The following FMNL2 variants were observed in gnomAD, a reference collection of about 807,000 sequenced individuals.
FMNL2 encodes the protein formin-like protein 2.
In FMNL2, 51 loss-of-function variants were observed where a neutral mutation model predicts 130.2. That is an observed-to-expected ratio of 0.39 (90% CI 0.31 to 0.49). The LOEUF (loss-of-function observed/expected upper bound fraction) is 0.49, where lower values mean the gene tolerates loss of function less well. Among genes scored for constraint, FMNL2 ranks in the 20% least tolerant of loss-of-function variants. The pLI, the probability that FMNL2 is intolerant of heterozygous loss-of-function variation, is 0.85. For missense variants in FMNL2, 977 were observed against 1,316.2 expected (o/e 0.74, Z 3.99); for synonymous variants, 465 against 467.1 (o/e 1.00, Z 0.06).
chr2:152,342,038 G>A (rs1032461036), intron 1 of FMNL2, among the ~76,000 whole-genome samples: 2 of 152,166 alleles, frequency 1.3e-5, no homozygotes, highest in Non-Finnish European at 2.9e-5. Flanking sequence ...ACCTGAGAGT[G>A]GGGAAAGATC....
At chr2:152,542,606 C>G (rs758849282) in intron 2 of FMNL2, 133 bp from the exon 3 acceptor site, 97 of 806,982 alleles carry the variant, frequency 1.2e-4, no homozygotes, top group Non-Finnish European at 1.9e-4. Flanking sequence ...ACAGTTAGTA[C>G]AAAATGACTG....
intron 2 of FMNL2, among the ~76,000 whole-genome samples, chr2:152,538,682 A>T (rs1694141503): frequency 6.6e-6 from 1 of 152,196 alleles, no homozygotes; most frequent in African/African-American, 2.4e-5. Flanking sequence ...CTCGGCCTAC[A>T]TCCAGGGACC....
At chr2:152,374,094 T>C (rs548179807) in intron 1 of FMNL2, among the ~76,000 whole-genome samples, 3 of 152,290 alleles carry the variant, frequency 2.0e-5, no homozygotes, top group Admixed American at 6.5e-5. Flanking sequence ...TTCAGACTGC[T>C]CTTAAGGGTA....
In FMNL2 at chr2:152,619,122, C is replaced by T. The variant is rs1699102078; in HGVS notation, c.1591C>T (p.Pro531Ser). 1 of 1,596,112 alleles carries T rather than the reference C, an allele frequency of 6.3e-7. No individual in the cohort carries two copies. Reference protein sequence around the residue: ...ASSGPLPPPPPPLPPSSDTPE... With the variant: ...ASSGPLPPPPSPLPPSSDTPE... Reference sequence around the variant, plus strand: ...CTCAGGACCCTTGCCCCCTCCTCCACCACCACTGCCTCCCTCATCAGACAC... The same window carrying T: ...CTCAGGACCCTTGCCCCCTCCTCCATCACCACTGCCTCCCTCATCAGACAC... The change falls in exon 14 of 26, where the codon CCA becomes TCA. Residue 531 changes from proline to serine, a missense_variant. Around this residue, in one of 4 missense-constraint regions of FMNL2, gnomAD observed 689 missense variants for 995.9 expected, o/e 0.69. Transcript: ENST00000288670.
intron 1 of FMNL2, among the ~76,000 whole-genome samples, chr2:152,435,403 A>G (rs1687698296): frequency 6.6e-6 from 1 of 152,194 alleles, no homozygotes; most frequent in Non-Finnish European, 1.5e-5. Flanking sequence ...CTATATTTAG[A>G]TATCCCATGT....
chr2:152,396,028 T>C (rs1396535316), intron 1 of FMNL2, among the ~76,000 whole-genome samples: 1 of 152,216 alleles, frequency 6.6e-6, no homozygotes, highest in African/African-American at 2.4e-5. Flanking sequence ...TTTGTCACTA[T>C]AGAGAGTGAA....
At chr2:152,390,064 C>A (rs1362433170) in intron 1 of FMNL2, 1 of 1,575,448 alleles carries the variant, frequency 6.3e-7, no homozygotes, top group Non-Finnish European at 8.7e-7. Context: ...AGCCTTGACT[C>A]CCCAGGAAAG....
intron 6 of FMNL2, among the ~76,000 whole-genome samples, chr2:152,563,862 C>A (rs1449355378): frequency 6.6e-6 from 1 of 152,170 alleles, no homozygotes; most frequent in African/African-American, 2.4e-5. Context: ...AGAGCTGCTT[C>A]TCCCCTCTTG....
chr2:152,543,725 C>G (rs10166430), intron 3 of FMNL2, among the ~76,000 whole-genome samples: 1 of 86,536 alleles, frequency 1.2e-5, no homozygotes, highest in Admixed American at 1.4e-4. Flanking sequence ...GCCCACCCCC[C>G]GACCAAAAAA....
chr2:152,580,875 C>T lies in FMNL2; in HGVS notation c.783-81C>T, dbSNP rs963838892. 7.2e-6 allele frequency: 9 copies of T among 1,255,494 alleles called. No homozygotes were observed. In the Admixed American group the frequency reaches 1.0e-4, roughly 14 times the overall value. 77.8% of individuals were successfully genotyped at this position (1,255,494 alleles called of 1,614,324 possible). A position where few individuals can be genotyped will look rare whatever the true frequency, so the allele number is the denominator to read the frequency against. On this transcript the variant is annotated intron_variant, in intron 8 of 25. Transcript: ENST00000288670. Reference sequence around the variant, plus strand: ...AATGTAAGGGCAAATGTTTTATTCTCATGTATCTTGGAAGGAAGAAACAGC... The same window carrying T: ...AATGTAAGGGCAAATGTTTTATTCTTATGTATCTTGGAAGGAAGAAACAGC...
chr2:152,470,832 A>G (rs1204680197), intron 1 of FMNL2, among the ~76,000 whole-genome samples: 2 of 152,242 alleles, frequency 1.3e-5, no homozygotes, highest in Admixed American at 1.3e-4. Context: ...CAGTTAGCCA[A>G]TTTAACATCT....
chr2:152,454,492 AC>A (rs1314828268), intron 1 of FMNL2, among the ~76,000 whole-genome samples: 1 of 152,106 alleles, frequency 6.6e-6, no homozygotes, highest in Admixed American at 6.5e-5. Flanking sequence ...GTAATGTTTC[AC>A]TTGTGAAAGA....
chr2:152,356,674 A>G (rs1560292851), intron 1 of FMNL2, among the ~76,000 whole-genome samples: 1 of 151,524 alleles, frequency 6.6e-6, no homozygotes, highest in African/African-American at 2.4e-5. Flanking sequence ...TTGTTTCAGC[A>G]TGCATACTGT....
intron 1 of FMNL2, among the ~76,000 whole-genome samples, chr2:152,495,321 T>C (rs956442854): frequency 6.6e-6 from 1 of 152,058 alleles, no homozygotes; most frequent in Non-Finnish European, 1.5e-5. Context: ...TCTACGTAGA[T>C]CATATTATCA....
At chr2:152,498,940 A>G (rs768914892) in intron 1 of FMNL2, among the ~76,000 whole-genome samples, 1 of 152,218 alleles carries the variant, frequency 6.6e-6, no homozygotes, top group Non-Finnish European at 1.5e-5. Flanking sequence ...GGAATTTGGC[A>G]TCTTTGTAAA....
chr2:152,520,246 A>G (rs1244687416), intron 1 of FMNL2, among the ~76,000 whole-genome samples: 1 of 152,104 alleles, frequency 6.6e-6, no homozygotes, highest in Non-Finnish European at 1.5e-5. Flanking sequence ...ACTCTTTATA[A>G]AGTCCAAAGC....
rs554109447 is a variant in FMNL2, at chr2:152,472,317, A to G, written c.118-49626A>G. Among the ~76,000 whole-genome samples, 8 of 152,328 alleles carry G rather than the reference A, an allele frequency of 5.3e-5. No homozygotes were observed. The South Asian group carries it at 6.2e-4, about 12-fold the overall frequency. On this transcript the variant is annotated intron_variant, in intron 1 of 25. Transcript: ENST00000288670. ...ATATCCAATTAGTGTGTACGAAATT[A>G]TCCTGGTCACTTATGTCTCAGTTTG...
intron 1 of FMNL2, among the ~76,000 whole-genome samples, chr2:152,485,550 A>G (rs900973276): frequency 5.0e-4 from 76 of 150,814 alleles, no homozygotes; most frequent in African/African-American, 1.8e-3. Context: ...CCTGTCATAG[A>G]TAGATAGATA....
intron 2 of FMNL2, 111 bp downstream of exon 2, chr2:152,522,137 C>T (rs775199622): frequency 8.8e-5 from 77 of 879,272 alleles, no homozygotes; most frequent in African/African-American, 4.3e-4. Flanking sequence ...TTTGCTTCTG[C>T]GACAGAGATA....
Sources: allele counts gnomAD v4.1 joint callset (sites outside exome capture counted in the v4.1 genomes callset), GRCh38; gene constraint gnomAD v4.1.1; regional missense constraint gnomAD v4.1.1; transcripts MANE v1.5; gene names NCBI Gene and HGNC (gene_info 2026-07-23, HGNC 2026-07-21).